DEPDC1: variants seen among roughly 807,000 people sequenced by gnomAD.
The protein encoded by DEPDC1 is DEP domain-containing protein 1A.
Under a neutral mutation model 86.8 loss-of-function variants are expected in DEPDC1, and 66 were observed. The ratio of observed to expected loss-of-function variants is 0.76; its 90% CI spans 0.62 to 0.93. The LOEUF (loss-of-function observed/expected upper bound fraction) is 0.93, where lower values mean the gene tolerates loss of function less well. DEPDC1 is among the 40% of genes least tolerant of loss of function. DEPDC1 has a pLI of 0.00. For synonymous variants in DEPDC1, 255 were observed against 314.9 expected, an observed-to-expected ratio of 0.81 and a Z score of 2.02; for missense variants, 792 against 935.7, an observed-to-expected ratio of 0.85 and a Z score of 2.00.
At chr1:68,483,311 T>C (rs931539064) in intron 7 of DEPDC1, 1 of 519,590 alleles carries the variant, frequency 1.9e-6, no homozygotes, top group Non-Finnish European at 3.8e-6. Flanking sequence ...ATTTCCTGAA[T>C]GATAGAAGTC....
At chr1:68,491,917 TTAA>T (rs1354311428) in intron 2 of DEPDC1, among the ~76,000 whole-genome samples, 1 of 150,444 alleles carries the variant, frequency 6.6e-6, no homozygotes, top group East Asian at 2.0e-4. Context: ...GCCTGGCTAA[TTAA>T]TTTTTTTTTT....
In DEPDC1 at chr1:68,482,273, C is replaced by T. The variant is rs774790260; in HGVS notation, c.1535G>A (p.Ser512Asn). 8.7e-6 allele frequency: 14 copies of T among 1,612,652 alleles called. 1 individual carries two copies. The South Asian group carries it at 1.4e-4, about 16-fold the overall frequency. ...TCTTGTACTACTTCTTAAAAGCAAA[C>T]TCTGAGACCTACAAAGCTGTTTTGA... Reference protein sequence around the residue: ...CKSKQLCRSQSLLLRSSTRRN... With the variant: ...CKSKQLCRSQNLLLRSSTRRN... The change falls in exon 8 of 12, where the codon AGT (serine) becomes AAT (asparagine). Residue 512 changes from serine to asparagine, a missense_variant. Coordinates refer to ENST00000456315, the MANE Select transcript of DEPDC1 (RefSeq NM_001114120.3).
Position 68,477,352 on chromosome 1 carries a change from A to G in DEPDC1, c.2299-283T>C, listed in dbSNP as rs543807767. On this transcript the variant is annotated intron_variant, in intron 11 of 11. Transcript: ENST00000456315. The stretch of plus-strand genomic sequence containing the variant: ...CACTGATAAAACCTATGAAGGGCAT[A>G]GGCATCTAGTATTCATATTTCTTTC... Among the ~76,000 whole-genome samples, 74 of 151,826 alleles carry G rather than the reference A, an allele frequency of 4.9e-4. 1 individual carries two copies. The South Asian group carries it at 0.013, about 28-fold the overall frequency.
At chr1:68,477,349 C>G (rs936500480) in intron 11 of DEPDC1, among the ~76,000 whole-genome samples, 4 of 151,628 alleles carry the variant, frequency 2.6e-5, no homozygotes, top group Non-Finnish European at 5.9e-5. Flanking sequence ...CTATGAAGGG[C>G]ATAGGCATCT....
At chr1:68,489,167 A>G in intron 3 of DEPDC1, 133 bp from the exon 4 acceptor site, 1 of 649,302 alleles carries the variant, frequency 1.5e-6, no homozygotes, top group South Asian at 2.2e-5. Flanking sequence ...GTAATATGGT[A>G]ATGGAGTTTT....
chr1:68,480,177 C>T (rs559795733), intron 9 of DEPDC1, among the ~76,000 whole-genome samples: 57 of 151,604 alleles, frequency 3.8e-4, no homozygotes, highest in Non-Finnish European at 4.3e-4. Context: ...ATCTTCAAAT[C>T]CTGGGATAAA....
In DEPDC1 at chr1:68,496,723, G is replaced by A. The variant is rs561658380; in HGVS notation, c.48+229C>T. ...AGCGAGTCTGGTGCGGCCTACGCGC[G>A]GCGCTTCCTTTCGGACCTGAGGCCC... On this transcript the variant is annotated intron_variant, in intron 1 of 11. Coordinates refer to ENST00000456315, the MANE Select transcript of DEPDC1 (RefSeq NM_001114120.3). The surrounding 1 kb of genome is among the most constrained non-coding windows in gnomAD (Gnocchi z 4.0). 2 of 446,920 alleles carry A rather than the reference G, an allele frequency of 4.5e-6. No homozygotes were observed. The highest frequency in any genetic ancestry group is 4.2e-5 in the South Asian group (1 of 23,858). 27.7% of individuals were successfully genotyped at this position (446,920 alleles called of 1,614,324 possible). A position where few individuals can be genotyped will look rare whatever the true frequency, so the allele number is the denominator to read the frequency against.
At chr1:68,477,474 C>T (rs139672173) in intron 11 of DEPDC1, among the ~76,000 whole-genome samples, 44 of 151,784 alleles carry the variant, frequency 2.9e-4, no homozygotes, top group African/African-American at 1.1e-3. Flanking sequence ...CTCAAAGATA[C>T]ATATCCATAC....
rs1038354764 is a variant in DEPDC1, at chr1:68,481,910, CAA to C, written c.1762+134_1762+135del. 4 of 920,328 alleles carry C rather than the reference CAA, an allele frequency of 4.3e-6. No homozygotes were observed. The African/African-American group carries it at 6.8e-5, about 16-fold the overall frequency. 57.0% of individuals were successfully genotyped at this position (920,328 alleles called of 1,614,324 possible). A position where few individuals can be genotyped will look rare whatever the true frequency, so the allele number is the denominator to read the frequency against. On this transcript the variant is annotated intron_variant, in intron 8 of 11. Transcript: ENST00000456315. ...GAATAAATCTTGGTTATGTCACAGA[CAA>C]AAGTCTTTTTAAATAATTCCTCTTG...
Position 68,497,065 on chromosome 1 carries a change from A to G in DEPDC1, c.-66T>C, listed in dbSNP as rs1029497551. 13 of 1,569,218 alleles carry G rather than the reference A, an allele frequency of 8.3e-6. No homozygotes were observed. The highest frequency in any genetic ancestry group is 1.4e-5 in the African/African-American group (1 of 73,554). On this transcript the variant is annotated 5_prime_UTR_variant, in exon 1 of 12. Coordinates refer to ENST00000456315, the MANE Select transcript of DEPDC1 (RefSeq NM_001114120.3). ...GACACTCAGGCCCAGCGGCCGCGGC[A>G]GTGGCGAGTCTCGGCACAACCGTTG... is the stretch of plus-strand genomic sequence containing the variant.
chr1:68,496,163 G>A lies in DEPDC1; in HGVS notation c.48+789C>T, dbSNP rs1176775082. Among the ~76,000 whole-genome samples, 2 of 152,152 alleles carry A rather than the reference G, an allele frequency of 1.3e-5. No individual in the cohort carries two copies. Among genetic ancestry groups the A allele is most frequent in the Non-Finnish European group, 2.9e-5 (2 of 68,030 alleles). Reference sequence around the variant, plus strand: ...GGCTAATAATACATGCTCGTCTGAAGGGCATTCCTAAGAGGAAAATGCTTG... The same window carrying A: ...GGCTAATAATACATGCTCGTCTGAAAGGCATTCCTAAGAGGAAAATGCTTG... On this transcript the variant is annotated intron_variant, in intron 1 of 11. Transcript: ENST00000456315. This position sits in a 1 kb window ranked among gnomAD's most constrained non-coding sequence, Gnocchi z 4.0.
At chr1:68,478,094 A>G (rs1350973279) in intron 10 of DEPDC1, 122 bp from the exon 11 acceptor site, 18 of 654,366 alleles carry the variant, frequency 2.8e-5, no homozygotes, top group Non-Finnish European at 3.7e-5. Context: ...AGCCATTAAA[A>G]AAACTATGTA....
rs1180270481 is a variant in DEPDC1 at position 68,496,951 on chromosome 1, C to T, written c.48+1G>A. ...GGTCCCGTCTATCCGAGCTGTCTTA[C>T]CAGCTTGGTGGCCCGATAAGGCCCG... On this transcript the variant is annotated splice_donor_variant, in intron 1 of 11. Coordinates refer to ENST00000456315, the MANE Select transcript of DEPDC1 (RefSeq NM_001114120.3). LOFTEE classifies it high-confidence loss of function. This position sits in a 1 kb window ranked among gnomAD's most constrained non-coding sequence, Gnocchi z 4.0. The T allele has an allele frequency of 6.8e-6, 11 of 1,612,064 alleles. No homozygotes were observed. The highest frequency in any genetic ancestry group is 3.3e-5 in the Admixed American group (2 of 59,956).
rs920223832 is a variant in DEPDC1, at chr1:68,474,676, C to T, written c.*2256G>A. On this transcript the variant is annotated 3_prime_UTR_variant, in exon 12 of 12. Transcript: ENST00000456315. Reference sequence around the variant, plus strand: ...CCCGAGAAAGCAACTACCACCAAATCTACCAGTCAACTCATCTATATTTGA... The same window carrying T: ...CCCGAGAAAGCAACTACCACCAAATTTACCAGTCAACTCATCTATATTTGA... 1 of 152,018 alleles carries T rather than the reference C, an allele frequency of 6.6e-6. No homozygotes were observed. The highest frequency in any genetic ancestry group is 1.5e-5 in the Non-Finnish European group (1 of 67,970). The allele number at this position is 152,018 out of a possible 1,614,324, so 9.4% of individuals were successfully genotyped here.
At chr1:68,484,136 T>G (rs935315277) in intron 6 of DEPDC1, 46 bp from the exon 7 acceptor site, 8 of 1,367,640 alleles carry the variant, frequency 5.8e-6, no homozygotes, top group Non-Finnish European at 7.8e-6. Context: ...TATTTTAATT[T>G]AAATACAATT....
rs1171175301 is a variant in DEPDC1, at chr1:68,489,027, C to T, written c.479G>A (p.Gly160Asp). The change falls in exon 4 of 12, where the codon GGC becomes GAC. Residue 160 changes from glycine to aspartate, a missense_variant. Coordinates refer to ENST00000456315, the MANE Select transcript of DEPDC1 (RefSeq NM_001114120.3). ...GATTATTTCATGCTTTATTTTCTCG[C>T]CATTTTCCTGAAAAAAGGATTATTT... ...RHGLHLSQEN[G>D]EKIKHEIINE... 4 of 1,593,864 alleles carry T rather than the reference C, an allele frequency of 2.5e-6. No homozygotes were observed. The highest frequency in any genetic ancestry group is 2.6e-6 in the Non-Finnish European group (3 of 1,164,694).
In DEPDC1 at chr1:68,496,877, G is replaced by A. The variant is rs1357077141; in HGVS notation, c.48+75C>T. The A allele has an allele frequency of 6.8e-6, 10 of 1,479,990 alleles. No individual in the cohort carries two copies. The highest frequency in any genetic ancestry group is 1.7e-4 in the Middle Eastern group (1 of 5,766). The allele number at this position is 1,479,990 out of a possible 1,614,324, so 91.7% of individuals were successfully genotyped here. A position where few individuals can be genotyped will look rare whatever the true frequency, so the allele number is the denominator to read the frequency against. On this transcript the variant is annotated intron_variant, in intron 1 of 11. Transcript: ENST00000456315. The surrounding 1 kb of genome is among the most constrained non-coding windows in gnomAD (Gnocchi z 4.0). ...CTCCGACCGAGGTAAAACTGCGAAC[G>A]GTCGAGGTAAAACTGCGAACAGTGG...
At chr1:68,489,311 T>G (rs536166270) in intron 3 of DEPDC1, 141 bp downstream of exon 3, 1 of 576,450 alleles carries the variant, frequency 1.7e-6, no homozygotes, top group South Asian at 3.5e-5. Context: ...CAATTTTATA[T>G]ATACATATTT....
At chr1:68,491,723 CAA>C (rs1646229645) in intron 2 of DEPDC1, among the ~76,000 whole-genome samples, 1 of 151,924 alleles carries the variant, frequency 6.6e-6, no homozygotes, top group Admixed American at 6.6e-5. Context: ...TGTATATAAA[CAA>C]TATGTGGTTT....
Sources: gnomAD v4.1 joint callset for allele counts (sites outside exome capture counted in the v4.1 genomes callset) on GRCh38, gnomAD v4.1.1 for gene constraint, Gnocchi (gnomAD v3.1) non-coding constraint, MANE v1.5 for transcripts, NCBI Gene and HGNC (gene_info 2026-07-23, HGNC 2026-07-21) for gene names.